Variants in CDK15 observed in about 807,000 individuals in gnomAD.
CDK15 encodes the protein cyclin-dependent kinase 15.
CDK15 carries 62 observed loss-of-function variants against 60.3 expected under a neutral mutation model. The observed-to-expected ratio is 1.03, with a 90% CI of 0.84 to 1.27. The LOEUF (loss-of-function observed/expected upper bound fraction) is 1.27, where lower values mean the gene tolerates loss of function less well. Among genes scored for constraint, CDK15 ranks in the 50% most tolerant of loss-of-function variants. The probability of loss-of-function intolerance (pLI) is 0.00; values close to 1 mark genes in which losing one functional copy is unlikely to be tolerated. For missense variants in CDK15, 541 were observed against 527.8 expected (o/e 1.03, Z -0.25); for synonymous variants, 194 against 195.7 (o/e 0.99, Z 0.07).
At chr2:201,839,447 G>C (rs1035096922) in intron 8 of CDK15, among the ~76,000 whole-genome samples, 2 of 152,126 alleles carry the variant, frequency 1.3e-5, no homozygotes, top group Non-Finnish European at 2.9e-5. Context: ...GGGGGAGATG[G>C]TGCTCTAAAG....
At chr2:201,875,849 A>C (rs955354282) in intron 11 of CDK15, among the ~76,000 whole-genome samples, 2 of 152,144 alleles carry the variant, frequency 1.3e-5, no homozygotes, top group African/African-American at 4.8e-5. Context: ...GCTAGTCATA[A>C]TTTTCCTTCT....
chr2:201,858,896 C>A (rs1042387656), intron 10 of CDK15, among the ~76,000 whole-genome samples: 1 of 152,104 alleles, frequency 6.6e-6, no homozygotes, highest in Non-Finnish European at 1.5e-5. Context: ...CTGTGACCCC[C>A]CAAAACGCTC....
intron 7 of CDK15, among the ~76,000 whole-genome samples, chr2:201,835,094 T>A (rs1204065599): frequency 6.6e-6 from 1 of 152,202 alleles, no homozygotes; most frequent in African/African-American, 2.4e-5. Context: ...ATGTTAGTCA[T>A]GAACAGCTCA....
chr2:201,863,277 A>G (rs987041070), intron 10 of CDK15, among the ~76,000 whole-genome samples: 8 of 152,280 alleles, frequency 5.3e-5, no homozygotes, highest in Admixed American at 4.6e-4. Context: ...GGAGGAGTAG[A>G]TGATCTTAAA....
At chr2:201,821,702 G>A (rs547262766) in intron 4 of CDK15, among the ~76,000 whole-genome samples, 156 of 151,980 alleles carry the variant, frequency 1.0e-3, no homozygotes, top group African/African-American at 3.6e-3. Context: ...ATGGAGTCTC[G>A]CTCTGTCACC....
At position 201,854,856 on chromosome 2, in the gene CDK15, T is replaced by C; in HGVS notation, c.946-18T>C. 1 of 1,613,080 alleles carries C rather than the reference T, an allele frequency of 6.2e-7. No homozygotes were observed. Among genetic ancestry groups the C allele is most frequent in the South Asian group, 1.1e-5 (1 of 91,026 alleles). ...CTCCCCACCTCACCTTTCTTTTTCTTTGTTTGGCTTTATATAGGTGCTGGG... is the reference window on the plus strand; with the variant it reads ...CTCCCCACCTCACCTTTCTTTTTCTCTGTTTGGCTTTATATAGGTGCTGGG... On this transcript the variant is annotated intron_variant, in intron 9 of 13. Coordinates refer to ENST00000652192, the MANE Select transcript of CDK15 (RefSeq NM_001366386.2).
rs199635425 is a variant in CDK15 at position 201,857,248 on chromosome 2, AG to A, written c.1009+2312del. Among the ~76,000 whole-genome samples, 4 of 139,396 alleles carry A rather than the reference AG, an allele frequency of 2.9e-5. 1 individual carries two copies. The South Asian group carries it at 1.1e-3, about 38-fold the overall frequency. The allele number at this position is 139,396 out of a possible 152,430, so 91.4% of individuals were successfully genotyped here. Reference sequence around the variant, plus strand: ...ACTCCGTCTCAAAAAAAAAAAAAAAAGATAACTGGGTTCCAATAAAACAGAG... The same window carrying A: ...ACTCCGTCTCAAAAAAAAAAAAAAAAATAACTGGGTTCCAATAAAACAGAG... On this transcript the variant is annotated intron_variant, in intron 10 of 13. Transcript: ENST00000652192.
chr2:201,857,034 T>C (rs1698170743), intron 10 of CDK15, among the ~76,000 whole-genome samples: 1 of 52,600 alleles, frequency 1.9e-5, no homozygotes, highest in Non-Finnish European at 3.4e-5. Context: ...CCATCCTGGC[T>C]AACAAGGTGA....
intron 6 of CDK15, 143 bp downstream of exon 6, chr2:201,823,870 G>A (rs1696346440): frequency 1.5e-6 from 1 of 659,740 alleles, no homozygotes; most frequent in African/African-American, 1.9e-5. Context: ...GTTTTGTTTT[G>A]TTTTCGTTTT....
Position 201,873,502 on chromosome 2 carries a change from G to A in CDK15, c.1058+1176G>A, listed in dbSNP as rs151206272. Among the ~76,000 whole-genome samples, 745 of 152,246 alleles carry A rather than the reference G, an allele frequency of 4.9e-3. 1 individual carries two copies. Among genetic ancestry groups the A allele is most frequent in the Non-Finnish European group, 8.9e-3 (603 of 68,020 alleles). On this transcript the variant is annotated intron_variant, in intron 11 of 13. Coordinates refer to ENST00000652192, the MANE Select transcript of CDK15 (RefSeq NM_001366386.2). ...CAAAGTAAATGGCAACTCTCAACCT[G>A]AGAACCATCTTAATACTCCATGCTG...
chr2:201,860,423 C>T (rs1698340885), intron 10 of CDK15, among the ~76,000 whole-genome samples: 4 of 152,184 alleles, frequency 2.6e-5, no homozygotes, highest in Admixed American at 2.6e-4. Context: ...CTCTTTGATG[C>T]TTGTTCCCAT....
At chr2:201,855,450 T>A (rs946903430) in intron 10 of CDK15, among the ~76,000 whole-genome samples, 1 of 152,186 alleles carries the variant, frequency 6.6e-6, no homozygotes, top group Non-Finnish European at 1.5e-5. Flanking sequence ...CTCTCACACA[T>A]TTCATCTTTC....
intron 10 of CDK15, among the ~76,000 whole-genome samples, chr2:201,870,668 G>A (rs995983313): frequency 3.9e-5 from 6 of 152,180 alleles, no homozygotes; most frequent in African/African-American, 1.4e-4. Flanking sequence ...GTTCCAGGCT[G>A]CAATGAGCCA....
At chr2:201,884,384 T>C (rs1382369165) in intron 12 of CDK15, among the ~76,000 whole-genome samples, 5 of 152,232 alleles carry the variant, frequency 3.3e-5, no homozygotes, top group African/African-American at 1.2e-4. Context: ...GCCCCCATTG[T>C]TAGAGTATAC....
At chr2:201,879,465 TA>T (rs1699194615) in intron 11 of CDK15, among the ~76,000 whole-genome samples, 1 of 152,184 alleles carries the variant, frequency 6.6e-6, no homozygotes. Context: ...CTGCAGCCTC[TA>T]CCTCCCAGGT....
chr2:201,889,121 G>A, intron 12 of CDK15: 1 of 985,394 alleles, frequency 1.0e-6, no homozygotes, highest in Non-Finnish European at 1.2e-6. Flanking sequence ...TTTAGGCCAG[G>A]CGAGGCAGAG....
intron 10 of CDK15, chr2:201,861,287 G>A (rs1284796550): frequency 9.0e-6 from 9 of 994,720 alleles, no homozygotes; most frequent in Non-Finnish European, 1.1e-5. Flanking sequence ...TGCCTGCCAA[G>A]ATCGATGCTG....
At chr2:201,818,225 A>T (rs180860535) in intron 4 of CDK15, among the ~76,000 whole-genome samples, 110 of 152,298 alleles carry the variant, frequency 7.2e-4, no homozygotes, top group Non-Finnish European at 1.2e-3. Flanking sequence ...TTTACAGCCT[A>T]AAGACGACTT....
rs931929005 is a variant in CDK15 at position 201,808,080 on chromosome 2, G to A, written c.368+128G>A. ...AGGACCTGTGCAAGACACCATGGCC[G>A]ACAGGGAGAGAGACATGATAACTTA... On this transcript the variant is annotated intron_variant, in intron 3 of 13. Coordinates refer to ENST00000652192, the MANE Select transcript of CDK15 (RefSeq NM_001366386.2). 9.3e-6 allele frequency: 6 copies of A among 647,680 alleles called. No individual in the cohort carries two copies. In the African/African-American group the frequency reaches 1.1e-4, roughly 12 times the overall value. The allele number at this position is 647,680 out of a possible 1,614,324, so 40.1% of individuals were successfully genotyped here. A position where few individuals can be genotyped will look rare whatever the true frequency, so the allele number is the denominator to read the frequency against.
Sources: allele counts gnomAD v4.1 joint callset (sites outside exome capture counted in the v4.1 genomes callset), GRCh38; gene constraint gnomAD v4.1.1; transcripts MANE v1.5; gene names NCBI Gene and HGNC (gene_info 2026-07-23, HGNC 2026-07-21).